SPMIP6: variants seen among roughly 807,000 people sequenced by gnomAD.
SPMIP6 encodes ciliated bronchial epithelial protein 1.
chr9:34,381,400 G>A, the SPMIP6 span: 630 of 1,613,974 alleles, frequency 3.9e-4, no homozygotes, highest in Non-Finnish European at 5.0e-4. This position sits in a 1 kb window ranked among gnomAD's most constrained non-coding sequence, Gnocchi z 4.4. Flanking sequence ...GCCTAGGAGG[G>A]CATTCCAAGG....
the SPMIP6 span, among the ~76,000 whole-genome samples, chr9:34,396,659 G>A: frequency 6.6e-6 from 1 of 152,134 alleles, no homozygotes; most frequent in Non-Finnish European, 1.5e-5. Flanking sequence ...CCCACAGGCT[G>A]CCTTTTCTCC....
the SPMIP6 span, chr9:34,385,550 A>AT: frequency 9.4e-7 from 1 of 1,061,006 alleles, no homozygotes; most frequent in Non-Finnish European, 1.3e-6. Flanking sequence ...AAAAAAAAAA[A>AT]AAAAAAAAAA....
At chr9:34,381,849 G>A in the SPMIP6 span, 1 of 917,028 alleles carries the variant, frequency 1.1e-6, no homozygotes, top group Non-Finnish European at 1.3e-6. The surrounding 1 kb of genome is among the most constrained non-coding windows in gnomAD (Gnocchi z 4.4). Context: ...ATTCAAAAGG[G>A]TTCCATCAAC....
the SPMIP6 span, chr9:34,397,582 A>G: frequency 1.2e-6 from 2 of 1,613,378 alleles, no homozygotes; most frequent in Non-Finnish European, 1.7e-6. Context: ...GCCCTGTAGG[A>G]GTCACTGTAG....
At chr9:34,396,651 C>A in the SPMIP6 span, among the ~76,000 whole-genome samples, 1 of 152,176 alleles carries the variant, frequency 6.6e-6, no homozygotes, top group Non-Finnish European at 1.5e-5. Flanking sequence ...GGTCCCTGCC[C>A]ACAGGCTGCC....
chr9:34,395,483 T>C, the SPMIP6 span, among the ~76,000 whole-genome samples: 3 of 152,184 alleles, frequency 2.0e-5, no homozygotes, highest in Non-Finnish European at 4.4e-5. Context: ...TTATGGCTTT[T>C]TTTCCTTTAC....
chr9:34,386,962 G>A, the SPMIP6 span, among the ~76,000 whole-genome samples: 3 of 152,182 alleles, frequency 2.0e-5, no homozygotes, highest in African/African-American at 7.2e-5. Flanking sequence ...GTCAGATAGG[G>A]CTTCTTCCTC....
chr9:34,385,437 T>C, the SPMIP6 span, among the ~76,000 whole-genome samples: 1 of 138,996 alleles, frequency 7.2e-6, no homozygotes, highest in South Asian at 2.2e-4. Flanking sequence ...GAGGCTAAGG[T>C]AGGAAAATCA....
At chr9:34,379,252 A>G in the SPMIP6 span, 1 of 914,116 alleles carries the variant, frequency 1.1e-6, no homozygotes, top group Non-Finnish European at 1.8e-6. This position sits in a 1 kb window ranked among gnomAD's most constrained non-coding sequence, Gnocchi z 4.2. Context: ...CCAGTTTGCA[A>G]TGCTAACCTT....
the SPMIP6 span, chr9:34,385,535 CAAAAAA>C: frequency 7.5e-4 from 223 of 296,664 alleles, no homozygotes; most frequent in East Asian, 1.3e-3. Context: ...AACTCCGTCT[CAAAAAA>C]AAAAAAAAAA....
At chr9:34,379,440 T>C in the SPMIP6 span, among the ~76,000 whole-genome samples, 1 of 152,170 alleles carries the variant, frequency 6.6e-6, no homozygotes, top group South Asian at 2.1e-4. This position sits in a 1 kb window ranked among gnomAD's most constrained non-coding sequence, Gnocchi z 4.2. Context: ...CCTGTAACCC[T>C]TCAATACCGG....
chr9:34,394,210 C>T, the SPMIP6 span, among the ~76,000 whole-genome samples: 1 of 152,098 alleles, frequency 6.6e-6, no homozygotes, highest in Non-Finnish European at 1.5e-5. Context: ...GGCTGGAGTG[C>T]GGTGGCATGA....
chr9:34,380,552 G>A, the SPMIP6 span: 2 of 1,256,670 alleles, frequency 1.6e-6, no homozygotes, highest in African/African-American at 3.1e-5. Context: ...CAGGGCCAAG[G>A]AGATGGGGGA....
chr9:34,395,474 T>C, the SPMIP6 span, among the ~76,000 whole-genome samples: 64,163 of 152,014 alleles, frequency 0.42, 13,995 homozygotes, highest in Non-Finnish European at 0.48. Flanking sequence ...TGTCTTCTTT[T>C]ATGGCTTTTT....
At chr9:34,382,728 A>G in the SPMIP6 span, 870,313 of 1,499,518 alleles carry the variant, frequency 0.58, 256,324 homozygotes, top group East Asian at 0.84. Context: ...CAGTCCCCAG[A>G]CGTCTGTGCT....
chr9:34,385,535 C>CAAAA, the SPMIP6 span: 1,809 of 296,112 alleles, frequency 6.1e-3, 7 homozygotes, highest in African/African-American at 0.012. Context: ...AACTCCGTCT[C>CAAAA]AAAAAAAAAA....
At chr9:34,395,215 C>T in the SPMIP6 span, among the ~76,000 whole-genome samples, 2 of 152,132 alleles carry the variant, frequency 1.3e-5, no homozygotes, top group Admixed American at 6.5e-5. Context: ...TTCCTGTCTG[C>T]TTCAACCTCC....
chr9:34,388,930 TTC>T, the SPMIP6 span, among the ~76,000 whole-genome samples: 132 of 97,926 alleles, frequency 1.3e-3, no homozygotes, highest in South Asian at 8.7e-3. Flanking sequence ...TCCTCTCTCT[TTC>T]TTTTTTTTTT....
the SPMIP6 span, among the ~76,000 whole-genome samples, chr9:34,391,796 A>G: frequency 1.3e-5 from 2 of 152,054 alleles, no homozygotes; most frequent in African/African-American, 4.8e-5. Flanking sequence ...GTCCACTTTT[A>G]TCATGTTCCT....
Sources: allele counts gnomAD v4.1 joint callset (sites outside exome capture counted in the v4.1 genomes callset), GRCh38; gene constraint gnomAD v4.1.1; non-coding constraint Gnocchi (gnomAD v3.1); transcripts MANE v1.5; gene names NCBI Gene and HGNC (gene_info 2026-07-23, HGNC 2026-07-21).